Variants in PAPPA observed in about 807,000 individuals in gnomAD.
PAPPA encodes the protein pappalysin 1, also known as pappalysin-1.
A neutral mutation model predicts 164.0 loss-of-function variants in PAPPA; 60 were observed. That is an observed-to-expected ratio of 0.37 (90% confidence interval 0.30 to 0.45). The LOEUF is 0.45. Among genes scored for constraint, PAPPA ranks in the 20% least tolerant of loss-of-function variants. PAPPA has a pLI of 1.00. For missense variants in PAPPA, 1,782 were observed against 2,087.3 expected, an observed-to-expected ratio of 0.85 and a Z score of 2.85; for synonymous variants, 875 against 814.1, an observed-to-expected ratio of 1.07 and a Z score of -1.27.
chr9:116,323,421 C>A (rs1456425112), intron 10 of PAPPA, among the ~76,000 whole-genome samples: 3 of 152,160 alleles, frequency 2.0e-5, no homozygotes. Context: ...TTTCTCCATC[C>A]ATCAAATGTG....
At chr9:116,388,843 G>A (rs1026935804) in intron 21 of PAPPA, among the ~76,000 whole-genome samples, 21 of 152,142 alleles carry the variant, frequency 1.4e-4, no homozygotes, top group Admixed American at 1.4e-3. Context: ...TGTAGGGCTG[G>A]CTGCAATATT....
Position 116,299,454 on chromosome 9 carries a change from T to C in PAPPA, c.2954-3303T>C, listed in dbSNP as rs1845551936. 7.2e-5 allele frequency among the ~76,000 whole-genome samples: 11 copies of C among 152,306 alleles called. No homozygotes were observed. The South Asian group carries it at 2.3e-3, about 32-fold the overall frequency. On this transcript the variant is annotated intron_variant, in intron 9 of 21. Coordinates refer to ENST00000328252, the MANE Select transcript of PAPPA (RefSeq NM_002581.5). ...TAACATAATCAGGAAGAAATTAGCC[T>C]TTAGAAGAACTAAAATCTAACCCCA... is the stretch of plus-strand genomic sequence containing the variant.
chr9:116,177,190 T>A (rs371899660), intron 1 of PAPPA, among the ~76,000 whole-genome samples: 1 of 152,184 alleles, frequency 6.6e-6, no homozygotes, highest in African/African-American at 2.4e-5. Flanking sequence ...CCATGCACTT[T>A]GAAAAGTGTT....
intron 10 of PAPPA, among the ~76,000 whole-genome samples, chr9:116,330,931 C>T (rs1845983114): frequency 6.6e-6 from 1 of 152,110 alleles, no homozygotes; most frequent in African/African-American, 2.4e-5. Flanking sequence ...CCTGCAATGC[C>T]CTTCCTCTTA....
At position 116,187,485 on chromosome 9, in the gene PAPPA, C is replaced by T. The variant is rs147958637; in HGVS notation, c.747C>T (p.Tyr249=). The part of the protein sequence containing the change: ...MLGGSALNHN[Y]RGYIEHFSLW... ...GGGGCAGTGCCCTGAATCACAACTA[C>T]CGGGGCTACATCGAGCACTTCAGTC... is the stretch of plus-strand genomic sequence containing the variant. Residue 249 remains tyrosine (Y), a synonymous_variant, in exon 2 of 22, where the codon TAC becomes TAT. Coordinates refer to ENST00000328252, the MANE Select transcript of PAPPA (RefSeq NM_002581.5). This position sits in a 1 kb window ranked among gnomAD's most constrained non-coding sequence, Gnocchi z 4.2. 1.2e-4 allele frequency: 186 copies of T among 1,614,186 alleles called. No homozygotes were observed. In the African/African-American group the frequency reaches 2.2e-3, roughly 19 times the overall value.
chr9:116,351,128 G>A (rs1465210153), intron 15 of PAPPA, among the ~76,000 whole-genome samples: 1 of 152,026 alleles, frequency 6.6e-6, no homozygotes, highest in Non-Finnish European at 1.5e-5. Context: ...ATACTTTTTA[G>A]GATAATTTAT....
intron 1 of PAPPA, among the ~76,000 whole-genome samples, chr9:116,157,785 T>C (rs1408797948): frequency 6.6e-6 from 1 of 152,098 alleles, no homozygotes; most frequent in African/African-American, 2.4e-5. Context: ...GCATAGCAAT[T>C]TGGGCTCCCT....
At chr9:116,293,369 A>C (rs566458296) in intron 9 of PAPPA, among the ~76,000 whole-genome samples, 4 of 152,314 alleles carry the variant, frequency 2.6e-5, no homozygotes, top group Admixed American at 1.3e-4. Context: ...ATGATGTAGG[A>C]AATAGAGGGA....
intron 14 of PAPPA, 69 bp from the exon 15 acceptor site, chr9:116,346,957 A>G (rs1233271415): frequency 7.4e-7 from 1 of 1,344,396 alleles, no homozygotes; most frequent in African/African-American, 1.5e-5. Flanking sequence ...TCACCTTGGG[A>G]AGAAGGGTAT....
In PAPPA at chr9:116,347,386, GAA is replaced by G. The variant is rs892602292; in HGVS notation, c.3964+182_3964+183del. On this transcript the variant is annotated intron_variant, in intron 15 of 21. Coordinates refer to ENST00000328252, the MANE Select transcript of PAPPA (RefSeq NM_002581.5). The surrounding 1 kb of genome is among the most constrained non-coding windows in gnomAD (Gnocchi z 4.5). ...ACTGCCCTGCTATGCAGATAAGAAAGAAAAAAGAGTGTATGGATAATTATGAC... is the reference window on the plus strand; with the variant it reads ...ACTGCCCTGCTATGCAGATAAGAAAGAAAAGAGTGTATGGATAATTATGAC... 6.6e-6 allele frequency among the ~76,000 whole-genome samples: 1 copy of G among 151,594 alleles called. No individual in the cohort carries two copies. Among genetic ancestry groups the G allele is most frequent in the African/African-American group, 2.4e-5 (1 of 41,260 alleles).
At chr9:116,364,942 G>T (rs943638082) in intron 18 of PAPPA, among the ~76,000 whole-genome samples, 1 of 152,208 alleles carries the variant, frequency 6.6e-6, no homozygotes, top group African/African-American at 2.4e-5. Flanking sequence ...CAGATGATGA[G>T]TGCATAGGGA....
intron 2 of PAPPA, among the ~76,000 whole-genome samples, chr9:116,200,043 G>T (rs1190649624): frequency 6.6e-6 from 1 of 152,052 alleles, no homozygotes; most frequent in Non-Finnish European, 1.5e-5. Flanking sequence ...CCCCAACATT[G>T]GGGATCACAT....
chr9:116,204,959 C>T (rs1844214778), intron 2 of PAPPA, among the ~76,000 whole-genome samples: 1 of 152,022 alleles, frequency 6.6e-6, no homozygotes, highest in African/African-American at 2.4e-5. Context: ...GACTCCTGTC[C>T]CAAAGATTTT....
intron 7 of PAPPA, among the ~76,000 whole-genome samples, chr9:116,259,479 G>T (rs984592499): frequency 1.3e-5 from 2 of 152,034 alleles, no homozygotes; most frequent in Non-Finnish European, 2.9e-5. Context: ...ATTTAAAATA[G>T]GCAAAAAGAT....
At chr9:116,394,993 AGGAGAGGGAGCG>A (rs1204417599) in intron 21 of PAPPA, among the ~76,000 whole-genome samples, 1 of 152,218 alleles carries the variant, frequency 6.6e-6, no homozygotes, top group African/African-American at 2.4e-5. Flanking sequence ...AAAAAAATAA[AGGAGAGGGAGCG>A]GGAGAGAGAA....
At chr9:116,179,026 A>G (rs139300890) in intron 1 of PAPPA, among the ~76,000 whole-genome samples, 1 of 152,132 alleles carries the variant, frequency 6.6e-6, no homozygotes, top group African/African-American at 2.4e-5. Flanking sequence ...CAGGCATACT[A>G]CTCTCAAGCT....
Position 116,353,712 on chromosome 9 carries a change from C to A in PAPPA, c.4266C>A (p.Phe1422Leu). The change falls in exon 17 of 22, where the codon TTC becomes TTA. Residue 1422 changes from phenylalanine to leucine, a missense_variant. This residue lies in a region of PAPPA where 1,324 missense variants were observed against 1,656.9 expected (regional missense o/e 0.80). Coordinates refer to ENST00000328252, the MANE Select transcript of PAPPA (RefSeq NM_002581.5). Reference protein sequence around the residue: ...PVTCDPPPPKFHGLYQCTNGF... With the variant: ...PVTCDPPPPKLHGLYQCTNGF... The stretch of plus-strand genomic sequence containing the variant: ...CCTGTGACCCACCTCCACCAAAATT[C>A]CATGGGCTCTACCAGTGTACTAATG... 1.2e-6 allele frequency: 2 copies of A among 1,614,090 alleles called. No homozygotes were observed. The highest frequency in any genetic ancestry group is 1.7e-6 in the Non-Finnish European group (2 of 1,179,980).
intron 9 of PAPPA, among the ~76,000 whole-genome samples, chr9:116,272,292 C>T (rs757783844): frequency 7.9e-5 from 12 of 152,154 alleles, no homozygotes; most frequent in Non-Finnish European, 1.6e-4. Context: ...AAACTAATCA[C>T]AATTCATTTG....
intron 1 of PAPPA, among the ~76,000 whole-genome samples, chr9:116,177,006 A>C (rs540359455): frequency 6.9e-6 from 1 of 144,996 alleles, no homozygotes; most frequent in Non-Finnish European, 1.5e-5. Context: ...TTAAATTGAC[A>C]TGTCCATGTG....
Sources: allele counts gnomAD v4.1 joint callset (sites outside exome capture counted in the v4.1 genomes callset), GRCh38; gene constraint gnomAD v4.1.1; regional missense constraint gnomAD v4.1.1; non-coding constraint Gnocchi (gnomAD v3.1); transcripts MANE v1.5; gene names NCBI Gene and HGNC (gene_info 2026-07-23, HGNC 2026-07-21).